Variants in PTPRT observed in about 807,000 individuals in gnomAD.
PTPRT encodes protein tyrosine phosphatase receptor type T.
PTPRT carries 56 observed loss-of-function variants against 176.8 expected under a neutral mutation model. The ratio of observed to expected loss-of-function variants is 0.32; its 90% confidence interval spans 0.26 to 0.40. The LOEUF is 0.40. PTPRT is among the 10% of genes least tolerant of loss of function. The pLI is 1.00. For missense variants in PTPRT, 1,540 were observed against 1,908.2 expected, an observed-to-expected ratio of 0.81 and a Z score of 3.60; for synonymous variants, 783 against 739.0, an observed-to-expected ratio of 1.06 and a Z score of -0.96.
At chr20:43,098,045 C>A (rs1320086837) in intron 1 of PTPRT, among the ~76,000 whole-genome samples, 3 of 152,078 alleles carry the variant, frequency 2.0e-5, no homozygotes, top group East Asian at 1.9e-4. Context: ...CCCGAAGCCA[C>A]GTGAGGAAGG....
intron 27 of PTPRT, 120 bp from the exon 28 acceptor site, chr20:42,085,973 G>A: frequency 8.3e-7 from 1 of 1,209,546 alleles, no homozygotes; most frequent in Non-Finnish European, 1.1e-6. Context: ...TTGAGATGGA[G>A]CATCACTCTT....
chr20:42,048,125 A>T, the PTPRT span, among the ~76,000 whole-genome samples: 1 of 152,332 alleles, frequency 6.6e-6, no homozygotes, highest in Non-Finnish European at 1.5e-5. Context: ...CTCAGGGGCT[A>T]GTCACACTCT....
At chr20:43,021,694 C>A (rs75742426) in intron 1 of PTPRT, among the ~76,000 whole-genome samples, 2,549 of 151,762 alleles carry the variant, frequency 0.017, 66 homozygotes, top group African/African-American at 0.058. Context: ...ATCACTGAAG[C>A]ATTGTTACTA....
At chr20:43,160,719 AGT>A (rs2014670084) in intron 1 of PTPRT, among the ~76,000 whole-genome samples, 1 of 152,116 alleles carries the variant, frequency 6.6e-6, no homozygotes, top group South Asian at 2.1e-4. Flanking sequence ...TGGAAAACAA[AGT>A]GTATTTATTA....
At chr20:42,582,268 T>C (rs573613630) in intron 7 of PTPRT, among the ~76,000 whole-genome samples, 1 of 152,172 alleles carries the variant, frequency 6.6e-6, no homozygotes, top group Non-Finnish European at 1.5e-5. Context: ...GGAGGGCTGG[T>C]CCCAAAGGCA....
At chr20:42,592,976 T>A (rs1451816224) in intron 7 of PTPRT, among the ~76,000 whole-genome samples, 1 of 152,166 alleles carries the variant, frequency 6.6e-6, no homozygotes, top group Admixed American at 6.5e-5. Flanking sequence ...TTCAAGCATA[T>A]GAAAAACTCA....
chr20:42,779,803 G>C (rs1394953588), intron 4 of PTPRT, among the ~76,000 whole-genome samples: 1 of 151,374 alleles, frequency 6.6e-6, no homozygotes, highest in East Asian at 1.9e-4. Flanking sequence ...ACTTTTCCCT[G>C]TGAGGGAACA....
intron 6 of PTPRT, among the ~76,000 whole-genome samples, chr20:42,739,732 TA>T (rs1342772169): frequency 6.6e-6 from 1 of 152,232 alleles, no homozygotes; most frequent in Non-Finnish European, 1.5e-5. Context: ...AAGGTATTAA[TA>T]GATCATTCTC....
At position 43,102,284 on chromosome 20, in the gene PTPRT, T is replaced by TCACACACACACACACA. The variant is rs57029983; in HGVS notation, c.88+87346_88+87361dup. 7.1e-3 allele frequency among the ~76,000 whole-genome samples: 1,002 copies of TCACACACACACACACA among 140,532 alleles called. 14 individuals carry two copies. The highest frequency in any genetic ancestry group is 0.022 in the African/African-American group (827 of 37,736). 92.2% of individuals were successfully genotyped at this position (140,532 alleles called of 152,430 possible). A position where few individuals can be genotyped will look rare whatever the true frequency, so the allele number is the denominator to read the frequency against. On this transcript the variant is annotated intron_variant, in intron 1 of 30. Transcript: ENST00000373187. ...TCTCTCTGTCTCTTTCACTCACACATCACACACACACACACACACACACAC... is the reference window on the plus strand; with the variant it reads ...TCTCTCTGTCTCTTTCACTCACACATCACACACACACACACACACACACACACACACACACACACAC...
At chr20:43,113,032 G>A (rs1321706588) in intron 1 of PTPRT, among the ~76,000 whole-genome samples, 1 of 150,512 alleles carries the variant, frequency 6.6e-6, no homozygotes, top group Non-Finnish European at 1.5e-5. Flanking sequence ...GTATCTCCTG[G>A]GGTTTTGCAT....
At chr20:42,602,620 G>A (rs1015607865) in intron 7 of PTPRT, among the ~76,000 whole-genome samples, 5 of 152,114 alleles carry the variant, frequency 3.3e-5, no homozygotes, top group African/African-American at 1.2e-4. Context: ...GCAAAGCCAA[G>A]CTTGGAACCC....
intron 16 of PTPRT, among the ~76,000 whole-genome samples, chr20:42,172,101 A>G (rs1990102553): frequency 6.6e-6 from 1 of 152,138 alleles, no homozygotes; most frequent in Non-Finnish European, 1.5e-5. Flanking sequence ...AGGAATATGA[A>G]CCATTGCAAT....
chr20:42,342,405 G>T (rs2058125454), intron 11 of PTPRT, among the ~76,000 whole-genome samples: 1 of 152,118 alleles, frequency 6.6e-6, no homozygotes, highest in Non-Finnish European at 1.5e-5. Context: ...GTTATGTCTG[G>T]GTATCTCTTA....
chr20:42,959,840 C>T (rs1440307508), intron 1 of PTPRT, among the ~76,000 whole-genome samples: 1 of 152,084 alleles, frequency 6.6e-6, no homozygotes, highest in Non-Finnish European at 1.5e-5. Context: ...AGGGGGGAGT[C>T]CAAGAGAGAA....
chr20:42,290,597 C>T (rs894213155), intron 12 of PTPRT, among the ~76,000 whole-genome samples: 12 of 152,108 alleles, frequency 7.9e-5, no homozygotes, highest in African/African-American at 2.9e-4. Context: ...TTTCAGTACT[C>T]AGTCTTCTTG....
rs186339532 is a variant in PTPRT at position 42,172,870 on chromosome 20, C to G, written c.2492-11328G>C. Among the ~76,000 whole-genome samples the G allele has an allele frequency of 2.8e-3, 433 of 152,220 alleles. 5 individuals carry two copies. The highest frequency in any genetic ancestry group is 5.1e-3 in the Non-Finnish European group (346 of 68,008). ...GAGTTTCTTCTTTCTACACTAAGAC[C>G]TGGTTACTAGATTCTGGGAGACTGC... On this transcript the variant is annotated intron_variant, in intron 16 of 30. Transcript: ENST00000373187.
At chr20:42,568,167 C>T (rs1568983803) in intron 7 of PTPRT, among the ~76,000 whole-genome samples, 1 of 152,042 alleles carries the variant, frequency 6.6e-6, no homozygotes, top group Non-Finnish European at 1.5e-5. Flanking sequence ...CAGTGTTTCA[C>T]CATCTTGGGC....
At chr20:42,691,369 G>A (rs1305861889) in intron 6 of PTPRT, among the ~76,000 whole-genome samples, 1 of 152,232 alleles carries the variant, frequency 6.6e-6, no homozygotes, top group Non-Finnish European at 1.5e-5. Flanking sequence ...GAAGGTGTCT[G>A]TGGCTTTAGA....
intron 13 of PTPRT, among the ~76,000 whole-genome samples, chr20:42,278,526 G>A (rs1054086356): frequency 2.7e-4 from 41 of 152,126 alleles, no homozygotes; most frequent in African/African-American, 9.1e-4. Context: ...GTAGCAAAAT[G>A]AACAGATGAG....
Sources: allele counts gnomAD v4.1 joint callset (sites outside exome capture counted in the v4.1 genomes callset), GRCh38; gene constraint gnomAD v4.1.1; transcripts MANE v1.5; gene names NCBI Gene and HGNC (gene_info 2026-07-23, HGNC 2026-07-21).